SEC14L1: variants seen among roughly 807,000 people sequenced by gnomAD.
The protein encoded by SEC14L1 is SEC14-like protein 1.
In SEC14L1, 48 loss-of-function variants were observed where a neutral mutation model predicts 85.3. The ratio of observed to expected loss-of-function variants is 0.56; its 90% confidence interval spans 0.45 to 0.72. SEC14L1 has a LOEUF of 0.72. Ranked by LOEUF, SEC14L1 falls within the 30% of genes least tolerant of loss-of-function variation. The pLI is 0.00. For missense variants in SEC14L1, 682 were observed against 921.4 expected (o/e 0.74, Z 3.36); for synonymous variants, 391 against 355.5 (o/e 1.10, Z -1.12).
At position 77,215,446 on chromosome 17, in the gene SEC14L1, CGTCT is replaced by C; in HGVS notation, c.*1424_*1427del. The C allele has an allele frequency of 3.0e-6, 3 of 985,450 alleles. No homozygotes were observed. Among genetic ancestry groups the C allele is most frequent in the Non-Finnish European group, 2.4e-6 (2 of 830,004 alleles). The allele number at this position is 985,450 out of a possible 1,614,324, so 61.0% of individuals were successfully genotyped here. On this transcript the variant is annotated 3_prime_UTR_variant, in exon 17 of 17. Coordinates refer to ENST00000436233, the MANE Select transcript of SEC14L1 (RefSeq NM_001143998.2). ...GTAGGCATGGAGATCCTGGTTGTGC[CGTCT>C]CAGCTCCGCTCTGAAGGCACTGTGT...
At chr17:77,144,076 G>A (rs990040998) in intron 3 of SEC14L1, among the ~76,000 whole-genome samples, 3 of 152,114 alleles carry the variant, frequency 2.0e-5, no homozygotes, top group African/African-American at 4.8e-5. Context: ...AGCACTGTGC[G>A]ATGGAGTTTT....
At chr17:77,122,530 G>A (rs1972327545) in intron 3 of SEC14L1, among the ~76,000 whole-genome samples, 1 of 152,122 alleles carries the variant, frequency 6.6e-6, no homozygotes, top group South Asian at 2.1e-4. Context: ...TTGAACTCTT[G>A]GGTAACATAG....
Position 77,206,894 on chromosome 17 carries a change from G to T in SEC14L1, c.1476+32G>T, listed in dbSNP as rs1976489201. The T allele has an allele frequency of 6.8e-7, 1 of 1,480,684 alleles. No homozygotes were observed. Among genetic ancestry groups the T allele is most frequent in the East Asian group, 2.4e-5 (1 of 40,834 alleles). The allele number at this position is 1,480,684 out of a possible 1,614,324, so 91.7% of individuals were successfully genotyped here. ...CCTGAGGCGAGGAACTGCACATTTG[G>T]CCCCTTATGCAGGTGGGAGAGGTCG... On this transcript the variant is annotated intron_variant, in intron 13 of 16. Coordinates refer to ENST00000436233, the MANE Select transcript of SEC14L1 (RefSeq NM_001143998.2). This position sits in a 1 kb window ranked among gnomAD's most constrained non-coding sequence, Gnocchi z 4.3.
chr17:77,171,108 A>G (rs1567907738), intron 3 of SEC14L1, among the ~76,000 whole-genome samples: 1 of 151,224 alleles, frequency 6.6e-6, no homozygotes, highest in African/African-American at 2.5e-5. Flanking sequence ...TTATTTGTTG[A>G]TTTATTAGTT....
chr17:77,187,936 G>A (rs1975344606), intron 3 of SEC14L1, among the ~76,000 whole-genome samples: 1 of 151,804 alleles, frequency 6.6e-6, no homozygotes, highest in Non-Finnish European at 1.5e-5. Flanking sequence ...GTAGAGATGG[G>A]GTTATGCTAT....
intron 8 of SEC14L1, chr17:77,199,144 A>G (rs1975979971): frequency 6.6e-6 from 1 of 151,806 alleles, no homozygotes; most frequent in Non-Finnish European, 1.5e-5. Flanking sequence ...AGCTGGGACT[A>G]CAGGCGTGCA....
At chr17:77,111,431 C>T (rs1265376267) in intron 3 of SEC14L1, among the ~76,000 whole-genome samples, 7 of 145,420 alleles carry the variant, frequency 4.8e-5, no homozygotes, top group East Asian at 2.0e-4. Flanking sequence ...CTCGCTTTGT[C>T]GCCCAGGTTG....
chr17:77,200,615 G>T lies in SEC14L1; in HGVS notation c.951G>T (p.Trp317Cys), dbSNP rs1312187194. 1.2e-6 allele frequency: 2 copies of T among 1,614,132 alleles called. No homozygotes were observed. The highest frequency in any genetic ancestry group is 1.7e-6 in the Non-Finnish European group (2 of 1,180,012). Residue 317 changes from tryptophan (W) to cysteine (C), a missense_variant, in exon 9 of 17, where the codon TGG becomes TGT. Coordinates refer to ENST00000436233, the MANE Select transcript of SEC14L1 (RefSeq NM_001143998.2). Reference protein sequence around the residue: ...QHQVDYILETWTPPQVLQDYY... With the variant: ...QHQVDYILETCTPPQVLQDYY... ...AGGTAGACTACATTCTTGAAACCTGGACCCCTCCTCAGGTCCTTCAGGATT... is the reference window on the plus strand; with the variant it reads ...AGGTAGACTACATTCTTGAAACCTGTACCCCTCCTCAGGTCCTTCAGGATT...
chr17:77,169,740 T>C (rs1372752621), intron 3 of SEC14L1, among the ~76,000 whole-genome samples: 2 of 152,002 alleles, frequency 1.3e-5, no homozygotes, highest in Non-Finnish European at 2.9e-5. Flanking sequence ...AAAGGATCCT[T>C]TGGGGTCCTT....
rs1977116943 is a variant in SEC14L1, at chr17:77,216,654, T to G, written c.*2631T>G. 12 of 1,606,514 alleles carry G rather than the reference T, an allele frequency of 7.5e-6. No homozygotes were observed. Among genetic ancestry groups the G allele is most frequent in the Non-Finnish European group, 1.0e-5 (12 of 1,174,358 alleles). On this transcript the variant is annotated 3_prime_UTR_variant, in exon 17 of 17. Coordinates refer to ENST00000436233, the MANE Select transcript of SEC14L1 (RefSeq NM_001143998.2). ...TGAATTGCAGCCATCCCCTGCCCCC[T>G]CCCAGGCTGAAGATCTGTTCTTTTT...
chr17:77,179,644 C>T (rs1327641771), intron 3 of SEC14L1, among the ~76,000 whole-genome samples: 1 of 152,090 alleles, frequency 6.6e-6, no homozygotes, highest in Non-Finnish European at 1.5e-5. Context: ...TGTTTGATCT[C>T]AGAAATGTCT....
intron 2 of SEC14L1, among the ~76,000 whole-genome samples, chr17:77,143,127 T>C (rs1973133735): frequency 6.6e-6 from 1 of 152,262 alleles, no homozygotes; most frequent in African/African-American, 2.4e-5. Flanking sequence ...TTTATTTTTG[T>C]TTTCCCAGAG....
intron 3 of SEC14L1, among the ~76,000 whole-genome samples, chr17:77,117,368 AC>A (rs1387814456): frequency 1.3e-5 from 2 of 151,408 alleles, no homozygotes; most frequent in African/African-American, 4.9e-5. Context: ...ACAAAACAAA[AC>A]AAAAAAAATG....
At chr17:77,104,263 A>G (rs1472064709) in intron 3 of SEC14L1, among the ~76,000 whole-genome samples, 1 of 150,144 alleles carries the variant, frequency 6.7e-6, no homozygotes, top group Non-Finnish European at 1.5e-5. Context: ...AGCTGGGATT[A>G]CAGGTGCCTG....
chr17:77,124,549 G>C (rs1449065561), intron 3 of SEC14L1, among the ~76,000 whole-genome samples: 2 of 152,154 alleles, frequency 1.3e-5, no homozygotes, highest in African/African-American at 4.8e-5. Context: ...TTTTTCAGCT[G>C]TGGTGGTTCA....
rs566854859 is a variant in SEC14L1 at position 77,198,566 on chromosome 17, TATGAG to T, written c.820-1915_820-1911del. Among the ~76,000 whole-genome samples, 162 of 152,124 alleles carry T rather than the reference TATGAG, an allele frequency of 1.1e-3. 1 individual carries two copies. Among genetic ancestry groups the T allele is most frequent in the African/African-American group, 3.4e-3 (142 of 41,524 alleles). On this transcript the variant is annotated intron_variant, in intron 8 of 16. Coordinates refer to ENST00000436233, the MANE Select transcript of SEC14L1 (RefSeq NM_001143998.2). ...ATGGTTCATGATCTGAATTCTGGTG[TATGAG>T]ATCTCTTTTTTTTTTTTTTTTGAGA...
Position 77,213,831 on chromosome 17 carries a change from T to C in SEC14L1, c.2043-87T>C. Reference sequence around the variant, plus strand: ...GATGAGAAGTGAGCAGAGAACAGGGTGGGCCACGAAGTCCAGCAGGCAGTG... The same window carrying C: ...GATGAGAAGTGAGCAGAGAACAGGGCGGGCCACGAAGTCCAGCAGGCAGTG... On this transcript the variant is annotated intron_variant, in intron 16 of 16. Transcript: ENST00000436233. This position sits in a 1 kb window ranked among gnomAD's most constrained non-coding sequence, Gnocchi z 7.1. 6.6e-7 allele frequency: 1 copy of C among 1,505,070 alleles called. No homozygotes were observed. 93.2% of individuals were successfully genotyped at this position (1,505,070 alleles called of 1,614,324 possible).
intron 3 of SEC14L1, among the ~76,000 whole-genome samples, chr17:77,129,761 A>G (rs1415061043): frequency 1.3e-5 from 2 of 152,060 alleles, no homozygotes; most frequent in Admixed American, 6.6e-5. Context: ...TTGACTGTTT[A>G]TTCTTCACCC....
intron 3 of SEC14L1, among the ~76,000 whole-genome samples, chr17:77,171,385 G>A (rs1974515928): frequency 6.6e-6 from 1 of 152,162 alleles, no homozygotes; most frequent in Non-Finnish European, 1.5e-5. Context: ...ACTGTGGCTG[G>A]GGGAGGGAGA....
Sources: allele counts gnomAD v4.1 joint callset (sites outside exome capture counted in the v4.1 genomes callset), GRCh38; gene constraint gnomAD v4.1.1; non-coding constraint Gnocchi (gnomAD v3.1); transcripts MANE v1.5; gene names NCBI Gene and HGNC (gene_info 2026-07-23, HGNC 2026-07-21).